LPP: variants seen among roughly 807,000 people sequenced by gnomAD.
LPP encodes the protein LIM domain containing preferred translocation partner in lipoma, also known as lipoma-preferred partner.
Under a neutral mutation model 60.4 loss-of-function variants are expected in LPP, and 38 were observed. That is an observed-to-expected ratio of 0.63 (90% CI 0.49 to 0.83). The LOEUF (loss-of-function observed/expected upper bound fraction) is 0.83. Among genes scored for constraint, LPP ranks in the 40% least tolerant of loss-of-function variants. The pLI is 0.00. For missense variants in LPP, 902 were observed against 783.6 expected, an observed-to-expected ratio of 1.15 and a Z score of -1.80; for synonymous variants, 328 against 290.8, an observed-to-expected ratio of 1.13 and a Z score of -1.30.
At chr3:188,467,933 C>A (rs7646124) in intron 4 of LPP, among the ~76,000 whole-genome samples, 24,510 of 152,136 alleles carry the variant, frequency 0.16, 2,262 homozygotes, top group East Asian at 0.28. Flanking sequence ...TTCTTCTAAA[C>A]AACCAAGCTT....
intron 3 of LPP, among the ~76,000 whole-genome samples, chr3:188,392,286 G>T (rs1309652963): frequency 6.6e-6 from 1 of 152,202 alleles, no homozygotes; most frequent in Non-Finnish European, 1.5e-5. Flanking sequence ...AAGACCCTGA[G>T]GTGGGAGAGT....
At chr3:188,867,224 TG>T (rs1766876319) in intron 10 of LPP, among the ~76,000 whole-genome samples, 1 of 149,854 alleles carries the variant, frequency 6.7e-6, no homozygotes, top group South Asian at 2.1e-4. Flanking sequence ...TTGACCAGTT[TG>T]TTACTTAATT....
At chr3:188,764,159 TTAAAG>T (rs1427387486) in intron 9 of LPP, among the ~76,000 whole-genome samples, 2 of 152,284 alleles carry the variant, frequency 1.3e-5, no homozygotes, top group Non-Finnish European at 2.9e-5. Flanking sequence ...TGTAAACAGA[TTAAAG>T]TAAAGATCAC....
chr3:188,237,976 C>T (rs1283393113), intron 2 of LPP, among the ~76,000 whole-genome samples: 1 of 152,200 alleles, frequency 6.6e-6, no homozygotes, highest in African/African-American at 2.4e-5. Flanking sequence ...CAATATAAGC[C>T]TGTTTCATCT....
rs71167102 is a variant in LPP at position 188,462,544 on chromosome 3, TTATATATATATATATATATATA to T, written c.194-22028_194-22007del. On this transcript the variant is annotated intron_variant, in intron 4 of 11. Transcript: ENST00000617246. ...TAAATTTAGCCAATTTATATGAGCT[TTATATATATATATATATATATA>T]TATATATATATATATATATGCATGT... Among the ~76,000 whole-genome samples, 127 of 34,198 alleles carry T rather than the reference TTATATATATATATATATATATA, an allele frequency of 3.7e-3. 3 individuals carry two copies. The highest frequency in any genetic ancestry group is 0.018 in the South Asian group (12 of 682). The allele number at this position is 34,198 out of a possible 152,430, so 22.4% of individuals were successfully genotyped here. A position where few individuals can be genotyped will look rare whatever the true frequency, so the allele number is the denominator to read the frequency against.
At chr3:188,800,824 G>A (rs1320595413) in intron 9 of LPP, among the ~76,000 whole-genome samples, 1 of 152,054 alleles carries the variant, frequency 6.6e-6, no homozygotes, top group African/African-American at 2.4e-5. Context: ...TCTATGCTTA[G>A]TAACTGCTTG....
At chr3:188,708,872 T>C (rs1866024118) in intron 8 of LPP, 1 of 163,664 alleles carries the variant, frequency 6.1e-6, no homozygotes, top group Non-Finnish European at 1.3e-5. Context: ...GACCCTGTTT[T>C]TTTGTTTTTT....
chr3:188,556,072 T>C (rs916711579), intron 6 of LPP, among the ~76,000 whole-genome samples: 10 of 152,138 alleles, frequency 6.6e-5, no homozygotes, highest in East Asian at 1.9e-4. Flanking sequence ...ATCCACACCA[T>C]TGGATCAAAT....
chr3:188,200,079 A>C (rs1049318037), intron 1 of LPP, among the ~76,000 whole-genome samples: 1 of 152,132 alleles, frequency 6.6e-6, no homozygotes. Context: ...AGATATAGAC[A>C]GACATAGGTC....
intron 5 of LPP, among the ~76,000 whole-genome samples, chr3:188,522,821 ATG>A (rs1194970078): frequency 7.4e-6 from 1 of 134,784 alleles, no homozygotes; most frequent in Non-Finnish European, 1.6e-5. Context: ...ATATATGTGT[ATG>A]TGTGTGTGTA....
intron 1 of LPP, among the ~76,000 whole-genome samples, chr3:188,195,462 C>T (rs565634485): frequency 1.3e-5 from 2 of 152,214 alleles, no homozygotes; most frequent in Admixed American, 6.5e-5. Flanking sequence ...CTGAATTTCT[C>T]AATGAAGTGG....
At chr3:188,825,888 C>T (rs983072794) in intron 9 of LPP, among the ~76,000 whole-genome samples, 1 of 152,130 alleles carries the variant, frequency 6.6e-6, no homozygotes, top group Non-Finnish European at 1.5e-5. Flanking sequence ...TTGATGCTGA[C>T]AGACGTAGGA....
At chr3:188,757,889 G>GTTTTTTGTTTTTTTTTTTT (rs1553833771) in intron 8 of LPP, among the ~76,000 whole-genome samples, 1 of 78,718 alleles carries the variant, frequency 1.3e-5, no homozygotes, top group South Asian at 5.6e-4. Flanking sequence ...TGTTTTTTTG[G>GTTTTTTGTTTTTTTTTTTT]TTTTTTTTTT....
intron 4 of LPP, among the ~76,000 whole-genome samples, chr3:188,421,602 G>T (rs1294409398): frequency 6.6e-6 from 1 of 152,102 alleles, no homozygotes. Flanking sequence ...GTTATATAAT[G>T]ATAGTAATGG....
At chr3:188,574,536 AT>A (rs2150892390) in intron 6 of LPP, among the ~76,000 whole-genome samples, 1 of 152,314 alleles carries the variant, frequency 6.6e-6, no homozygotes, top group Non-Finnish European at 1.5e-5. Flanking sequence ...CAAGAATAGT[AT>A]CTCTTCCTGC....
intron 6 of LPP, among the ~76,000 whole-genome samples, chr3:188,550,965 G>C (rs1225251620): frequency 2.0e-5 from 3 of 152,094 alleles, no homozygotes; most frequent in Non-Finnish European, 4.4e-5. Flanking sequence ...TCTACAGAAG[G>C]AGTTTGGTTC....
chr3:188,262,328 GT>G (rs374219679), intron 2 of LPP, among the ~76,000 whole-genome samples: 7,762 of 146,262 alleles, frequency 0.053, 209 homozygotes, highest in African/African-American at 0.069. Flanking sequence ...TGAAAATAGT[GT>G]TTTTTTTTTT....
chr3:188,514,362 A>C (rs1816701162), intron 5 of LPP, among the ~76,000 whole-genome samples: 1 of 151,968 alleles, frequency 6.6e-6, no homozygotes, highest in South Asian at 2.1e-4. Context: ...TGGATTGTTA[A>C]TAATTAACCA....
chr3:188,262,692 T>TCTCTCTC (rs1158343865), intron 2 of LPP, among the ~76,000 whole-genome samples: 1 of 148,850 alleles, frequency 6.7e-6, no homozygotes, highest in Non-Finnish European at 1.5e-5. Flanking sequence ...CTCTTCTTTC[T>TCTCTCTC]CTCTCTCCTC....
Sources: allele counts gnomAD v4.1 joint callset (sites outside exome capture counted in the v4.1 genomes callset), GRCh38; gene constraint gnomAD v4.1.1; transcripts MANE v1.5; gene names NCBI Gene and HGNC (gene_info 2026-07-23, HGNC 2026-07-21).